Variants in GLI2 observed in about 807,000 individuals in gnomAD.
The protein encoded by GLI2 is transcription activator GLI2.
GLI2 carries 22 observed loss-of-function variants against 78.9 expected under a neutral mutation model. The ratio of observed to expected loss-of-function variants is 0.28; its 90% CI spans 0.20 to 0.40. The LOEUF (loss-of-function observed/expected upper bound fraction) is 0.40. GLI2 is among the 10% of genes least tolerant of loss of function. GLI2 has a pLI of 1.00. For synonymous variants in GLI2, 974 were observed against 963.7 expected (o/e 1.01, Z -0.20); for missense variants, 2,097 against 2,213.2 (o/e 0.95, Z 1.05).
chr2:120,988,597 G>T lies in GLI2; in HGVS notation c.2632G>T (p.Ala878Ser). ...GTACAGCCTGCGGGCCAAGTACGCG[G>T]CAGCCACTGGCGGCCCCCCGCCCAC... ...QQYSLRAKYA[A>S]ATGGPPPTPL... Residue 878 changes from alanine to serine, a missense_variant, in exon 14 of 14, where the codon GCA becomes TCA. Ala to Ser is a moderately conservative substitution (Grantham distance 99). Around this residue, in one of 5 missense-constraint regions of GLI2, gnomAD observed 1,290 missense variants for 1,261.7 expected, o/e 1.02. Coordinates refer to ENST00000361492, the MANE Select transcript of GLI2 (RefSeq NM_001374353.1). 6.7e-7 allele frequency: 1 copy of T among 1,483,012 alleles called. No homozygotes were observed. Among genetic ancestry groups the T allele is most frequent in the East Asian group, 2.9e-5 (1 of 34,352 alleles). 91.9% of individuals were successfully genotyped at this position (1,483,012 alleles called of 1,614,324 possible). A position where few individuals can be genotyped will look rare whatever the true frequency, so the allele number is the denominator to read the frequency against.
chr2:120,986,126 C>A, intron 12 of GLI2, 152 bp from the exon 13 acceptor site: 1 of 685,370 alleles, frequency 1.5e-6, no homozygotes, highest in Non-Finnish European at 2.6e-6. Flanking sequence ...AGACTCATGA[C>A]GCTTTACGTG....
chr2:120,797,286 T>C lies in GLI2; in HGVS notation c.-30-5T>C. On this transcript the variant is annotated splice_polypyrimidine_tract_variant and splice_region_variant and intron_variant, in intron 1 of 13. Coordinates refer to ENST00000361492, the MANE Select transcript of GLI2 (RefSeq NM_001374353.1). ...GTTGGTGAGTGTCTTTGTCTTCTCT[T>C]TTAGGATTGCCACCCAGGACGATGA... The C allele has an allele frequency of 1.2e-6, 2 of 1,612,500 alleles. No homozygotes were observed. The highest frequency in any genetic ancestry group is 1.1e-5 in the South Asian group (1 of 91,024).
chr2:120,813,516 T>A (rs957284243), intron 2 of GLI2, among the ~76,000 whole-genome samples: 2 of 152,294 alleles, frequency 1.3e-5, no homozygotes, highest in Admixed American at 6.5e-5. Flanking sequence ...CGATTGAAAC[T>A]CTGAGTCCTG....
intron 3 of GLI2, among the ~76,000 whole-genome samples, chr2:120,937,802 A>G (rs1680267770): frequency 6.6e-6 from 1 of 152,242 alleles, no homozygotes; most frequent in Admixed American, 6.5e-5. Context: ...TTTGACAGGC[A>G]TCCAGGAAAG....
chr2:120,889,875 C>T (rs564367907), intron 2 of GLI2, among the ~76,000 whole-genome samples: 198 of 152,244 alleles, frequency 1.3e-3, no homozygotes, highest in African/African-American at 4.2e-3. Context: ...GAATGTAAGA[C>T]GGTACAGCCT....
Position 120,798,124 on chromosome 2 carries a change from G to A in GLI2, c.148+656G>A, listed in dbSNP as rs893588737. ...GAGGCCACAGAACTATTTCTGTCTC[G>A]GAGGAATGGAGAGACTTCGATTTCT... On this transcript the variant is annotated intron_variant, in intron 2 of 13. Coordinates refer to ENST00000361492, the MANE Select transcript of GLI2 (RefSeq NM_001374353.1). 1.1e-4 allele frequency among the ~76,000 whole-genome samples: 17 copies of A among 152,322 alleles called. 1 individual carries two copies. Among genetic ancestry groups the A allele is most frequent in the Middle Eastern group, 6.8e-3 (2 of 294 alleles).
rs542399233 is a variant in GLI2 at position 120,925,935 on chromosome 2, T to C, written c.149-1426T>C. 6.8e-4 allele frequency among the ~76,000 whole-genome samples: 103 copies of C among 151,952 alleles called. 1 individual carries two copies. Among genetic ancestry groups the C allele is most frequent in the Non-Finnish European group, 3.8e-4 (26 of 67,920 alleles). On this transcript the variant is annotated intron_variant, in intron 2 of 13. Coordinates refer to ENST00000361492, the MANE Select transcript of GLI2 (RefSeq NM_001374353.1). ...AAAATACAAAAAAATTAGCCGGGCG[T>C]GGTGTCGGGCACCTGTGGTCCCAGC...
intron 8 of GLI2, among the ~76,000 whole-genome samples, chr2:120,973,822 G>A (rs1186272795): frequency 6.6e-6 from 1 of 152,164 alleles, no homozygotes; most frequent in African/African-American, 2.4e-5. Context: ...AGAGGTCTTT[G>A]CAGCTCTTAT....
rs3738880 is a variant in GLI2, at chr2:120,989,380, G to T, written c.3415G>T (p.Ala1139Ser). 0.68 allele frequency: 1,102,212 copies of T among 1,612,702 alleles called. 384,436 individuals carry two copies. The highest frequency in any genetic ancestry group is 0.73 in the Non-Finnish European group (860,518 of 1,179,884). ...TGAGGTGAGCTCCGGCACCGTAGACGCCCTGGCCAGCCAGGTGAAGCCTCC... is the reference window on the plus strand; with the variant it reads ...TGAGGTGAGCTCCGGCACCGTAGACTCCCTGGCCAGCCAGGTGAAGCCTCC... Reference protein sequence around the residue: ...WNEVSSGTVDALASQVKPPPF... With the variant: ...WNEVSSGTVDSLASQVKPPPF... The change falls in exon 14 of 14, where the codon GCC becomes TCC. Residue 1139 changes from alanine to serine, a missense_variant. By Grantham distance (99) the Ala-to-Ser change is moderately conservative. Coordinates refer to ENST00000361492, the MANE Select transcript of GLI2 (RefSeq NM_001374353.1).
chr2:120,833,520 C>T (rs1197267606), intron 2 of GLI2, among the ~76,000 whole-genome samples: 1 of 152,174 alleles, frequency 6.6e-6, no homozygotes, highest in South Asian at 2.1e-4. Flanking sequence ...TCTAGAGCAC[C>T]CAAAGAATCA....
intron 2 of GLI2, among the ~76,000 whole-genome samples, chr2:120,871,116 G>A (rs1024079556): frequency 1.3e-5 from 2 of 152,264 alleles, no homozygotes; most frequent in African/African-American, 4.8e-5. Flanking sequence ...CCTTTTCTTA[G>A]CCCTGTTCTT....
chr2:120,755,499 A>G (rs547330771), intron 1 of GLI2, among the ~76,000 whole-genome samples: 1 of 151,736 alleles, frequency 6.6e-6, no homozygotes, highest in South Asian at 2.1e-4. Context: ...TATATTTTGG[A>G]TAGAAGTCTT....
At chr2:120,814,015 C>T (rs568866725) in intron 2 of GLI2, among the ~76,000 whole-genome samples, 5 of 152,074 alleles carry the variant, frequency 3.3e-5, no homozygotes, top group Non-Finnish European at 5.9e-5. Flanking sequence ...CAGCTGCCCC[C>T]GAGAACAACT....
chr2:120,890,942 C>A (rs1677653041), intron 2 of GLI2, among the ~76,000 whole-genome samples: 1 of 152,200 alleles, frequency 6.6e-6, no homozygotes, highest in African/African-American at 2.4e-5. Flanking sequence ...ATTTTCACCT[C>A]TTGGAGTTTG....
chr2:120,916,728 A>G (rs887712693), intron 2 of GLI2, among the ~76,000 whole-genome samples: 3 of 152,158 alleles, frequency 2.0e-5, no homozygotes, highest in Admixed American at 6.5e-5. Flanking sequence ...GTGACTTCCA[A>G]CTGTGGATGG....
At chr2:120,957,350 A>G (rs555895406) in intron 5 of GLI2, among the ~76,000 whole-genome samples, 102 of 152,254 alleles carry the variant, frequency 6.7e-4, no homozygotes, top group African/African-American at 2.4e-3. Flanking sequence ...CTGAGTACAC[A>G]CACATCCATG....
chr2:120,935,100 TCTC>T (rs1258303779), intron 3 of GLI2, among the ~76,000 whole-genome samples: 5 of 152,174 alleles, frequency 3.3e-5, no homozygotes, highest in African/African-American at 7.2e-5. Flanking sequence ...GGAAGAACCT[TCTC>T]CTCCCTCTGC....
chr2:120,930,070 A>C (rs1375374430), intron 3 of GLI2, among the ~76,000 whole-genome samples: 1 of 152,210 alleles, frequency 6.6e-6, no homozygotes. Flanking sequence ...TGCTCCCTGC[A>C]CGGGATGTTG....
chr2:120,745,525 T>A (rs1682668805), intron 1 of GLI2, among the ~76,000 whole-genome samples: 1 of 152,164 alleles, frequency 6.6e-6, no homozygotes, highest in Non-Finnish European at 1.5e-5. Context: ...AGCAGAGCCC[T>A]CACTCAAGAT....
Sources: allele counts gnomAD v4.1 joint callset (sites outside exome capture counted in the v4.1 genomes callset), GRCh38; gene constraint gnomAD v4.1.1; regional missense constraint gnomAD v4.1.1; transcripts MANE v1.5; gene names NCBI Gene and HGNC (gene_info 2026-07-23, HGNC 2026-07-21).